Variants in USH2A observed in about 807,000 individuals in gnomAD.
USH2A encodes the protein Usher syndrome 2A (autosomal recessive, mild).
USH2A carries 443 observed loss-of-function variants against 538.9 expected under a neutral mutation model. The ratio of observed to expected loss-of-function variants is 0.82; its 90% CI spans 0.76 to 0.89. The LOEUF (loss-of-function observed/expected upper bound fraction) is 0.89. Among genes scored for constraint, USH2A ranks in the 40% least tolerant of loss-of-function variants. USH2A has a pLI of 0.00. For missense variants in USH2A, 6,633 were observed against 6,324.8 expected (o/e 1.05, Z -1.65); for synonymous variants, 2,413 against 2,273.5 (o/e 1.06, Z -1.75).
At chr1:215,995,318 T>C (rs540667231) in intron 34 of USH2A, among the ~76,000 whole-genome samples, 1 of 152,324 alleles carries the variant, frequency 6.6e-6, no homozygotes, top group Admixed American at 6.5e-5. Flanking sequence ...ATGTAAGGCA[T>C]TTATGAAAGC....
chr1:215,788,915 C>CCAAAACAAAACAAAACAAAA (rs142498202), intron 51 of USH2A, among the ~76,000 whole-genome samples: 1,658 of 149,528 alleles, frequency 0.011, 25 homozygotes, highest in African/African-American at 0.028. Flanking sequence ...AACTTGGAAT[C>CCAAAACAAAACAAAACAAAA]CAAAACAAAA....
chr1:216,101,151 T>A (rs1378538922), intron 21 of USH2A, among the ~76,000 whole-genome samples: 1 of 152,234 alleles, frequency 6.6e-6, no homozygotes, highest in Non-Finnish European at 1.5e-5. Context: ...AACATATTCT[T>A]GACAATTAAT....
intron 27 of USH2A, 98 bp from the exon 28 acceptor site, chr1:216,073,398 G>A: frequency 7.7e-7 from 1 of 1,303,868 alleles, no homozygotes; most frequent in Non-Finnish European, 1.1e-6. Context: ...AGGAAGGGGG[G>A]TGGTTAGATA....
Position 215,639,270 on chromosome 1 carries a change from G to A in USH2A, c.14969-32C>T, listed in dbSNP as rs759041659. 1.3e-4 allele frequency: 211 copies of A among 1,606,424 alleles called. 2 individuals are homozygous for A. In the East Asian group the frequency reaches 4.7e-3, roughly 35 times the overall value. On this transcript the variant is annotated intron_variant, in intron 68 of 71. Transcript: ENST00000307340. ...AAAAGGAAGAACTGGTAAATGACTT[G>A]TTCATTCAACACCTACAAATAGGGC...
chr1:215,721,277 G>A (rs779474295), intron 61 of USH2A, among the ~76,000 whole-genome samples: 3 of 152,112 alleles, frequency 2.0e-5, no homozygotes, highest in African/African-American at 4.8e-5. Context: ...ATTTCACCAC[G>A]TTGGCCAGGC....
intron 21 of USH2A, among the ~76,000 whole-genome samples, chr1:216,099,500 G>A (rs1323154871): frequency 2.0e-5 from 3 of 152,088 alleles, no homozygotes; most frequent in African/African-American, 7.2e-5. Context: ...TGAGTGGAGA[G>A]CAGGAATAGG....
rs1427501666 is a variant in USH2A at position 215,844,436 on chromosome 1, A to G, written c.9116T>C (p.Ile3039Thr). The change falls in exon 46 of 72, where the codon ATC (isoleucine) becomes ACC (threonine). Residue 3039 changes from isoleucine to threonine, a missense_variant. Ile to Thr is a moderately conservative substitution (Grantham distance 89, BLOSUM62 -1). Transcript: ENST00000307340. The part of the protein sequence containing the change: ...VIINSTAVRV[I>T]WTSPSNPNGV... ...ATTTGGGTTTGAAGGAGATGTCCAG[A>G]TGACACGTACAGCTGTACTGTTGAT... The G allele has an allele frequency of 1.9e-6, 3 of 1,613,082 alleles. No homozygotes were observed. In the South Asian group the frequency reaches 3.3e-5, roughly 18 times the overall value.
At chr1:216,028,569 C>T (rs562461329) in intron 32 of USH2A, among the ~76,000 whole-genome samples, 2 of 151,866 alleles carry the variant, frequency 1.3e-5, no homozygotes, top group Non-Finnish European at 2.9e-5. Context: ...GAAAATATAT[C>T]TAAATTTGAA....
intron 69 of USH2A, among the ~76,000 whole-genome samples, 183 bp from the exon 70 acceptor site, chr1:215,634,886 G>A (rs1010921795): frequency 1.2e-4 from 18 of 152,210 alleles, no homozygotes; most frequent in African/African-American, 4.1e-4. Flanking sequence ...GGGTTATAAC[G>A]AGATGCTTAC....
intron 30 of USH2A, among the ~76,000 whole-genome samples, chr1:216,064,675 T>C (rs1384355800): frequency 6.6e-6 from 1 of 152,166 alleles, no homozygotes; most frequent in Non-Finnish European, 1.5e-5. Flanking sequence ...CTATACCTTT[T>C]CTGTGTTTTG....
intron 38 of USH2A, among the ~76,000 whole-genome samples, chr1:215,913,175 A>G (rs1665858390): frequency 6.6e-6 from 1 of 152,144 alleles, no homozygotes; most frequent in East Asian, 1.9e-4. Context: ...CTTGCCAGGC[A>G]TCGTGCCAGG....
chr1:215,681,024 A>G (rs1050389740), intron 61 of USH2A, among the ~76,000 whole-genome samples: 4 of 152,230 alleles, frequency 2.6e-5, no homozygotes, highest in African/African-American at 9.6e-5. Context: ...TAAAAGCACC[A>G]TAAGTAAAAC....
chr1:215,782,298 G>T (rs1661666029), intron 53 of USH2A, 102 bp from the exon 54 acceptor site: 2 of 1,259,302 alleles, frequency 1.6e-6, no homozygotes, highest in Middle Eastern at 2.4e-4. Context: ...CAATACTATA[G>T]CTTTATTTAA....
chr1:215,659,722 T>C (rs542814036), intron 64 of USH2A, among the ~76,000 whole-genome samples: 2 of 150,436 alleles, frequency 1.3e-5, no homozygotes, highest in Non-Finnish European at 2.9e-5. Flanking sequence ...TAGCTGAGGA[T>C]CCAGAATTGG....
At chr1:216,120,752 T>C (rs1426011452) in intron 21 of USH2A, among the ~76,000 whole-genome samples, 1 of 151,802 alleles carries the variant, frequency 6.6e-6, no homozygotes, top group African/African-American at 2.4e-5. Context: ...CTCAGGAAGC[T>C]GAGCAGGAGA....
At chr1:216,154,678 C>T (rs555631156) in intron 21 of USH2A, among the ~76,000 whole-genome samples, 36 of 152,322 alleles carry the variant, frequency 2.4e-4, no homozygotes, top group Middle Eastern at 3.4e-3. Flanking sequence ...TAGGCAACTG[C>T]TGATCTCCTT....
chr1:216,033,826 G>A (rs2102513824), intron 32 of USH2A, among the ~76,000 whole-genome samples: 1 of 152,286 alleles, frequency 6.6e-6, no homozygotes, highest in East Asian at 1.9e-4. Context: ...GGTGACACAG[G>A]AAGACCCTGT....
intron 14 of USH2A, among the ~76,000 whole-genome samples, chr1:216,227,299 A>C (rs545514704): frequency 6.6e-6 from 1 of 152,338 alleles, no homozygotes; most frequent in Non-Finnish European, 1.5e-5. Flanking sequence ...AAGAAGAAAA[A>C]AAATCTGATC....
chr1:216,145,040 C>T (rs1475257585), intron 21 of USH2A, among the ~76,000 whole-genome samples: 1 of 152,116 alleles, frequency 6.6e-6, no homozygotes, highest in Non-Finnish European at 1.5e-5. Context: ...GGAATGTTTT[C>T]CTGTTTCTCA....
Sources: allele counts gnomAD v4.1 joint callset (sites outside exome capture counted in the v4.1 genomes callset), GRCh38; gene constraint gnomAD v4.1.1; transcripts MANE v1.5; gene names NCBI Gene and HGNC (gene_info 2026-07-23, HGNC 2026-07-21).